DCX: variants seen among roughly 807,000 people sequenced by gnomAD.
The protein encoded by DCX is neuronal migration protein doublecortin.
A neutral mutation model predicts 20.9 loss-of-function variants in DCX; 4 were observed. The ratio of observed to expected loss-of-function variants is 0.19; its 90% CI spans 0.09 to 0.44. The LOEUF is 0.44. Ranked by LOEUF, DCX falls within the 20% of genes least tolerant of loss-of-function variation. The pLI is 0.99. For synonymous variants in DCX, 103 were observed against 111.4 expected (o/e 0.92, Z 0.47); for missense variants, 133 against 296.9 (o/e 0.45, Z 4.06).
chrX:111,367,144 T>A (rs1924686020), intron 3 of DCX, among the ~76,000 whole-genome samples: 1 of 111,883 alleles, frequency 8.9e-6, no homozygotes, highest in African/African-American at 3.2e-5. Flanking sequence ...AAGTTGGAGG[T>A]AACCCCTCAT....
intron 3 of DCX, among the ~76,000 whole-genome samples, chrX:111,395,547 T>C (rs905466596): frequency 3.6e-5 from 4 of 112,312 alleles, no homozygotes; most frequent in African/African-American, 1.3e-4. Flanking sequence ...TCTTTTAAAG[T>C]GTGAAATCTA....
At chrX:111,405,280 T>C (rs960255242) in intron 2 of DCX, among the ~76,000 whole-genome samples, 1 of 112,526 alleles carries the variant, frequency 8.9e-6, no homozygotes, top group Non-Finnish European at 1.9e-5. Context: ...TAAATGACAC[T>C]TTACTGTATT....
chrX:111,397,783 ATG>A (rs200033042), intron 3 of DCX, among the ~76,000 whole-genome samples: 3,431 of 90,677 alleles, frequency 0.038, 70 homozygotes, highest in Non-Finnish European at 0.054. Flanking sequence ...ATCTACATAT[ATG>A]TGTGTGTGTA....
intron 3 of DCX, among the ~76,000 whole-genome samples, chrX:111,400,435 A>C (rs1218911967): frequency 4.5e-5 from 5 of 111,953 alleles, no homozygotes; most frequent in Non-Finnish European, 7.5e-5. Context: ...CCAAATTAAG[A>C]CAGCTATGTC....
At chrX:111,349,967 A>G (rs1432469404) in intron 3 of DCX, among the ~76,000 whole-genome samples, 1 of 111,753 alleles carries the variant, frequency 8.9e-6, no homozygotes, top group Non-Finnish European at 1.9e-5. Context: ...TTAGGCCTCA[A>G]GGAGAGAGGG....
In DCX at chrX:111,293,874, C is replaced by A. The variant is rs1341526407; in HGVS notation, c.*7813G>T. The A allele has an allele frequency of 7.1e-5, 8 of 112,973 alleles. No homozygotes were observed. The highest frequency in any genetic ancestry group is 1.9e-4 in the Admixed American group (2 of 10,652). 9.3% of individuals were successfully genotyped at this position (112,973 alleles called of 1,213,427 possible). ...TGCGATGAAGAACAGAGCTTGAGAG[C>A]CAAAATAATTGCAAGAGCAGCTCTT... On this transcript the variant is annotated 3_prime_UTR_variant, in exon 7 of 7. Transcript: ENST00000636035.
At chrX:111,398,496 TAC>T (rs1927517798) in intron 3 of DCX, among the ~76,000 whole-genome samples, 1 of 111,591 alleles carries the variant, frequency 9.0e-6, no homozygotes, top group African/African-American at 3.3e-5. Flanking sequence ...GGAATGTATA[TAC>T]AGAGGTACAG....
intron 3 of DCX, among the ~76,000 whole-genome samples, chrX:111,384,468 A>C (rs1603421493): frequency 1.8e-5 from 2 of 111,642 alleles, no homozygotes. Context: ...TACTCTAAAG[A>C]TATAAGACTT....
chrX:111,343,585 G>A (rs1922506057), intron 3 of DCX, among the ~76,000 whole-genome samples: 1 of 111,615 alleles, frequency 9.0e-6, no homozygotes, highest in East Asian at 2.8e-4. Context: ...CTCATTTCAT[G>A]AAGCCAGCAT....
At chrX:111,395,650 G>A (rs1467694184) in intron 3 of DCX, among the ~76,000 whole-genome samples, 1 of 112,108 alleles carries the variant, frequency 8.9e-6, no homozygotes. Flanking sequence ...TCATGCTCAA[G>A]CCAATCCTCC....
chrX:111,302,611 C>T (rs898111920), intron 6 of DCX, among the ~76,000 whole-genome samples: 1 of 112,007 alleles, frequency 8.9e-6, no homozygotes, highest in Non-Finnish European at 1.9e-5. Flanking sequence ...ACATTCTCTC[C>T]AGTATTTGAT....
chrX:111,387,086 A>C, intron 3 of DCX, among the ~76,000 whole-genome samples: 1 of 111,822 alleles, frequency 8.9e-6, no homozygotes, highest in Middle Eastern at 4.6e-3. Flanking sequence ...TACCATTCTT[A>C]TTCATTGCTT....
intron 5 of DCX, among the ~76,000 whole-genome samples, chrX:111,323,606 T>G (rs1346105071): frequency 5.1e-5 from 5 of 97,631 alleles, no homozygotes; most frequent in African/African-American, 1.7e-4. Flanking sequence ...TATTTCTGTT[T>G]TTTTTTTTTT....
At chrX:111,405,758 T>C (rs1202997865) in intron 2 of DCX, among the ~76,000 whole-genome samples, 3 of 111,514 alleles carry the variant, frequency 2.7e-5, no homozygotes, top group African/African-American at 9.8e-5. Context: ...GTGGATTTTA[T>C]TCATTGACCT....
At chrX:111,371,933 TACACACACACACACAC>T (rs56304092) in intron 3 of DCX, among the ~76,000 whole-genome samples, 44 of 97,474 alleles carry the variant, frequency 4.5e-4, no homozygotes, top group African/African-American at 1.5e-3. Flanking sequence ...GATATATGTG[TACACACACACACACAC>T]ACACACACAC....
At chrX:111,355,419 T>C (rs1923653321) in intron 3 of DCX, among the ~76,000 whole-genome samples, 1 of 111,460 alleles carries the variant, frequency 9.0e-6, no homozygotes. Flanking sequence ...TTTTCAAACA[T>C]ATACAGCCTG....
Position 111,375,627 on chromosome X carries a change from C to T in DCX, c.705+25363G>A, listed in dbSNP as rs745950660. Among the ~76,000 whole-genome samples the T allele has an allele frequency of 3.6e-5, 4 of 111,110 alleles. No individual in the cohort carries two copies. In the South Asian group the frequency reaches 1.5e-3, roughly 43 times the overall value. On this transcript the variant is annotated intron_variant, in intron 3 of 6. Transcript: ENST00000636035. ...TACAGTGAAGTACTTGGAGGATGAT[C>T]CATTGTTCTTAAGCAAAAACATACT...
chrX:111,332,984 C>G lies in DCX; in HGVS notation c.808+67G>C, dbSNP rs750072888. 19 of 832,282 alleles carry G rather than the reference C, an allele frequency of 2.3e-5. No homozygotes were observed. In the East Asian group the frequency reaches 4.9e-4, roughly 22 times the overall value. The allele number at this position is 832,282 out of a possible 1,213,427, so 68.6% of individuals were successfully genotyped here. ...AGATGTTTTCCACACCATACAAACC[C>G]ATGGAAATCCTAAAGGATAGAAGGG... On this transcript the variant is annotated intron_variant, in intron 4 of 6. Coordinates refer to ENST00000636035, the MANE Select transcript of DCX (RefSeq NM_001195553.2).
intron 3 of DCX, among the ~76,000 whole-genome samples, chrX:111,395,276 C>G (rs933906647): frequency 1.2e-4 from 13 of 111,947 alleles, no homozygotes; most frequent in Admixed American, 1.1e-3. Context: ...GACTAAAACT[C>G]AGGCCTCTGA....
Sources: allele counts gnomAD v4.1 joint callset (sites outside exome capture counted in the v4.1 genomes callset), GRCh38; gene constraint gnomAD v4.1.1; transcripts MANE v1.5; gene names NCBI Gene and HGNC (gene_info 2026-07-23, HGNC 2026-07-21).